The following SBNO2 variants were observed in gnomAD, a reference collection of about 807,000 sequenced individuals.
SBNO2 encodes strawberry notch homolog 2, also known as protein strawberry notch homolog 2.
A neutral mutation model predicts 146.3 loss-of-function variants in SBNO2; 89 were observed. That is an observed-to-expected ratio of 0.61 (90% CI 0.51 to 0.73). The LOEUF (loss-of-function observed/expected upper bound fraction) is 0.73. Ranked by LOEUF, SBNO2 falls within the 30% of genes least tolerant of loss-of-function variation. The pLI is 0.00. For synonymous variants in SBNO2, 1,147 were observed against 892.6 expected, an observed-to-expected ratio of 1.29 and a Z score of -5.08; for missense variants, 2,092 against 2,003.7, an observed-to-expected ratio of 1.04 and a Z score of -0.84.
chr19:1,170,508 A>C (rs2080467189), intron 1 of SBNO2, among the ~76,000 whole-genome samples: 1 of 152,130 alleles, frequency 6.6e-6, no homozygotes, highest in Non-Finnish European at 1.5e-5. Flanking sequence ...TTTAGGCTTC[A>C]ACCCGGCAGC....
intron 1 of SBNO2, among the ~76,000 whole-genome samples, chr19:1,164,503 CAGG>C (rs1173808617): frequency 7.0e-3 from 90 of 12,804 alleles, no homozygotes; most frequent in East Asian, 0.031. Context: ...GCAGTGGAGA[CAGG>C]AGGAGGAGGA....
At position 1,140,127 on chromosome 19, in the gene SBNO2, G is replaced by A. The variant is rs569638909; in HGVS notation, c.279+7182C>T. The stretch of plus-strand genomic sequence containing the variant: ...AGCCTGGCTAACACGGTGAAACCCC[G>A]TGTCCACTAAAAAACACAAAAAATT... On this transcript the variant is annotated intron_variant, in intron 4 of 31. Coordinates refer to ENST00000361757, the MANE Select transcript of SBNO2 (RefSeq NM_014963.3). The surrounding 1 kb of genome is among the most constrained non-coding windows in gnomAD (Gnocchi z 4.4). Among the ~76,000 whole-genome samples the A allele has an allele frequency of 2.0e-5, 3 of 151,828 alleles. No homozygotes were observed. Among genetic ancestry groups the A allele is most frequent in the East Asian group, 3.9e-4 (2 of 5,142 alleles).
intron 3 of SBNO2, among the ~76,000 whole-genome samples, chr19:1,147,947 C>G (rs1158204523): frequency 2.0e-5 from 3 of 152,300 alleles, no homozygotes; most frequent in Middle Eastern, 3.4e-3. Flanking sequence ...CTGGGGGCCC[C>G]CCGCCCAGGG....
At chr19:1,163,524 C>T (rs1250857554) in intron 1 of SBNO2, among the ~76,000 whole-genome samples, 1 of 152,206 alleles carries the variant, frequency 6.6e-6, no homozygotes, top group Non-Finnish European at 1.5e-5. Flanking sequence ...GAGCCCCACG[C>T]GACTCCCGTG....
chr19:1,112,958 G>T lies in SBNO2; in HGVS notation c.2248-9C>A. 1 of 1,556,812 alleles carries T rather than the reference G, an allele frequency of 6.4e-7. No homozygotes were observed. On this transcript the variant is annotated splice_polypyrimidine_tract_variant and intron_variant, in intron 19 of 31. Transcript: ENST00000361757. This position sits in a 1 kb window ranked among gnomAD's most constrained non-coding sequence, Gnocchi z 5.9. ...CCTTTCCTGCCGGTCATCTGCAGCC[G>T]AGACAGGGACAAAACCGGCCGTCAG...
intron 4 of SBNO2, among the ~76,000 whole-genome samples, chr19:1,130,482 A>AC (rs1365398204): frequency 1.4e-5 from 2 of 140,646 alleles, no homozygotes; most frequent in African/African-American, 5.4e-5. Context: ...ACAGAGCGAG[A>AC]CCCTATCTCA....
At chr19:1,166,017 CCTCAGACCCCAGACCCCAGACCCCAGAT>C (rs1467689721) in intron 1 of SBNO2, among the ~76,000 whole-genome samples, 1 of 43,724 alleles carries the variant, frequency 2.3e-5, no homozygotes, top group Non-Finnish European at 4.9e-5. Context: ...AGATCCCAGA[CCTCAGACCCCAGACCCCAGACCCCAGAT>C]CCCAGATCCC....
rs1256656126 is a variant in SBNO2, at chr19:1,108,517, G to C, written c.3804C>G (p.Phe1268Leu). 3 of 1,216,474 alleles carry C rather than the reference G, an allele frequency of 2.5e-6. No homozygotes were observed. Among genetic ancestry groups the C allele is most frequent in the Non-Finnish European group, 3.1e-6 (3 of 975,692 alleles). 75.4% of individuals were successfully genotyped at this position (1,216,474 alleles called of 1,614,324 possible). A position where few individuals can be genotyped will look rare whatever the true frequency, so the allele number is the denominator to read the frequency against. The change falls in exon 32 of 32, where the codon TTC (phenylalanine) becomes TTG (leucine). Residue 1268 changes from phenylalanine to leucine, a missense_variant. Coordinates refer to ENST00000361757, the MANE Select transcript of SBNO2 (RefSeq NM_014963.3). ...GGAAAGAGAAGTGCGGGGGCGGCGG[G>C]AAGGCCTCGGCCGGGGGGCTGTAGG... ...DLTYSPPAEA[F>L]PPPPHFSFPA... is the part of the protein sequence containing the mutation.
chr19:1,124,479 G>A (rs540983927), intron 5 of SBNO2, among the ~76,000 whole-genome samples: 2 of 152,310 alleles, frequency 1.3e-5, no homozygotes, highest in East Asian at 3.9e-4. Context: ...CCTGTCGAGG[G>A]GGAAGAGGAG....
intron 2 of SBNO2, among the ~76,000 whole-genome samples, chr19:1,152,646 A>G (rs2080253459): frequency 6.6e-6 from 1 of 152,094 alleles, no homozygotes. Context: ...CGAGAGGGGT[A>G]CCCTGGCCCC....
At chr19:1,120,369 TTTTG>T (rs950124851) in intron 11 of SBNO2, among the ~76,000 whole-genome samples, 16 of 152,276 alleles carry the variant, frequency 1.1e-4, no homozygotes, top group East Asian at 3.9e-4. Context: ...CTGTTTTCTT[TTTTG>T]TTTGTTTTTT....
chr19:1,161,908 G>A (rs1453168484), intron 1 of SBNO2, among the ~76,000 whole-genome samples: 1 of 89,758 alleles, frequency 1.1e-5, no homozygotes, highest in Non-Finnish European at 2.3e-5. Flanking sequence ...GGGAGCCGCG[G>A]GGGGGGGGGG....
intron 1 of SBNO2, among the ~76,000 whole-genome samples, chr19:1,163,720 G>A (rs570210017): frequency 3.9e-4 from 60 of 152,322 alleles, no homozygotes; most frequent in South Asian, 2.1e-3. Flanking sequence ...AAGCCTGGGG[G>A]CCCCAGACCG....
At chr19:1,117,562 G>A (rs2079848589) in intron 14 of SBNO2, 63 bp from the exon 15 acceptor site, 2 of 1,482,254 alleles carry the variant, frequency 1.3e-6, no homozygotes, top group African/African-American at 1.4e-5. Context: ...CCGGGCCCCG[G>A]CCCACCTGCC....
At position 1,143,957 on chromosome 19, in the gene SBNO2, G is replaced by A. The variant is rs1199609928; in HGVS notation, c.279+3352C>T. On this transcript the variant is annotated intron_variant, in intron 4 of 31. Coordinates refer to ENST00000361757, the MANE Select transcript of SBNO2 (RefSeq NM_014963.3). ...TCAGGACGGGGACGTCTTGGAGGCT[G>A]TAACCGTGTGGCCAGCACATTTCCT... Among the ~76,000 whole-genome samples, 3 of 152,262 alleles carry A rather than the reference G, an allele frequency of 2.0e-5. No homozygotes were observed. The East Asian group carries it at 5.8e-4, about 29-fold the overall frequency.
At chr19:1,114,675 ACT>A (rs1290441512) in intron 17 of SBNO2, among the ~76,000 whole-genome samples, 2 of 152,044 alleles carry the variant, frequency 1.3e-5, no homozygotes, top group African/African-American at 4.8e-5. Context: ...ACGGAGTCTT[ACT>A]CTGTCGCCAG....
At chr19:1,171,096 GCACA>G (rs751814162) in intron 1 of SBNO2, among the ~76,000 whole-genome samples, 2 of 151,242 alleles carry the variant, frequency 1.3e-5, no homozygotes, top group African/African-American at 4.9e-5. Flanking sequence ...GGGTGCACAG[GCACA>G]CACAACACAC....
intron 1 of SBNO2, among the ~76,000 whole-genome samples, chr19:1,160,164 C>G (rs1433827684): frequency 6.6e-6 from 1 of 152,164 alleles, no homozygotes; most frequent in African/African-American, 2.4e-5. Flanking sequence ...GGAAGCTGCC[C>G]CGGCAGCGAG....
In SBNO2 at chr19:1,110,864, T is replaced by C; in HGVS notation, c.2909A>G (p.Asn970Ser). Reference sequence around the variant, plus strand: ...GTGCACCTCCAGCCCCAGGATGCGGTTCAGGAACTTGGTGATGGAACAGTC... The same window carrying C: ...GTGCACCTCCAGCCCCAGGATGCGGCTCAGGAACTTGGTGATGGAACAGTC... ...EKDCSITKFL[N>S]RILGLEVHKQ... Residue 970 changes from asparagine to serine, a missense_variant, in exon 26 of 32, where the codon AAC becomes AGC. Transcript: ENST00000361757. The surrounding 1 kb of genome is among the most constrained non-coding windows in gnomAD (Gnocchi z 4.9). The C allele has an allele frequency of 6.2e-7, 1 of 1,613,614 alleles. No individual in the cohort carries two copies. The highest frequency in any genetic ancestry group is 8.5e-7 in the Non-Finnish European group (1 of 1,179,728).
Sources: gnomAD v4.1 joint callset for allele counts (sites outside exome capture counted in the v4.1 genomes callset) on GRCh38, gnomAD v4.1.1 for gene constraint, Gnocchi (gnomAD v3.1) non-coding constraint, MANE v1.5 for transcripts, NCBI Gene and HGNC (gene_info 2026-07-23, HGNC 2026-07-21) for gene names.